CMYA5: variants seen among roughly 807,000 people sequenced by gnomAD.
The protein encoded by CMYA5 is cardiomyopathy-associated protein 5.
CMYA5 carries 246 observed loss-of-function variants against 318.9 expected under a neutral mutation model. The ratio of observed to expected loss-of-function variants is 0.77; its 90% CI spans 0.70 to 0.86. The LOEUF (loss-of-function observed/expected upper bound fraction) is 0.86, where lower values mean the gene tolerates loss of function less well. CMYA5 is among the 40% of genes least tolerant of loss of function. The pLI is 0.00. For missense variants in CMYA5, 4,589 were observed against 4,678.2 expected (o/e 0.98, Z 0.56); for synonymous variants, 1,641 against 1,729.5 (o/e 0.95, Z 1.27).
chr5:79,789,062 G>C lies in CMYA5; in HGVS notation c.11647G>C (p.Gly3883Arg). The change falls in exon 10 of 13, where the codon GGG becomes CGG. Residue 3883 changes from glycine to arginine, a missense_variant. Transcript: ENST00000446378. ...FFYVRAINAF[G>R]TSEQSEAALI... ...CTATGTGAGGGCCATCAATGCATTT[G>C]GGACAAGTGAACAGAGTGAAGCTGC... is the stretch of plus-strand genomic sequence containing the variant. The C allele has an allele frequency of 6.2e-7, 1 of 1,613,952 alleles. No individual in the cohort carries two copies. Among genetic ancestry groups the C allele is most frequent in the Non-Finnish European group, 8.5e-7 (1 of 1,179,878 alleles).
Position 79,743,860 on chromosome 5 carries a change from G to A in CMYA5, c.10672G>A (p.Glu3558Lys), listed in dbSNP as rs1194481118. 1 of 1,548,646 alleles carries A rather than the reference G, an allele frequency of 6.5e-7. No individual in the cohort carries two copies. The highest frequency in any genetic ancestry group is 2.0e-5 in the Admixed American group (1 of 50,764). Residue 3558 changes from glutamate (E) to lysine (K), a missense_variant, in exon 3 of 13, where the codon GAA (glutamate) becomes AAA (lysine). Around this residue, in one of 3 missense-constraint regions of CMYA5, gnomAD observed 2,431 missense variants for 2,495.1 expected, o/e 0.97. Transcript: ENST00000446378. ...AGCAGAATTTCTAGAAAATTTACAA[G>A]AAAAGTCCTTGAGGATTGAAGCCTT... ...QLAEFLENLQ[E>K]KSLRIEAFVS...
intron 9 of CMYA5, among the ~76,000 whole-genome samples, chr5:79,787,490 G>C (rs997895881): frequency 6.6e-6 from 1 of 152,168 alleles, no homozygotes; most frequent in African/African-American, 2.4e-5. Flanking sequence ...CTCAATCATA[G>C]GACATGGTTT....
intron 9 of CMYA5, among the ~76,000 whole-genome samples, chr5:79,772,615 C>T (rs1828875168): frequency 6.6e-6 from 1 of 152,200 alleles, no homozygotes; most frequent in Non-Finnish European, 1.5e-5. Flanking sequence ...TCAGAGCCAT[C>T]CCCCATCAAT....
chr5:79,788,260 A>G (rs1382305241), intron 9 of CMYA5, among the ~76,000 whole-genome samples: 1 of 151,222 alleles, frequency 6.6e-6, no homozygotes, highest in Non-Finnish European at 1.5e-5. Context: ...GATATCAAAC[A>G]GATTAAAGAG....
Position 79,752,703 on chromosome 5 carries a change from T to G in CMYA5, c.11019T>G (p.Ala3673=), listed in dbSNP as rs1327482488. ...ERLLSAMEST[A]SLEKMPAAFS... ...TGCTTTCTGCAATGGAGAGCACTGC[T>G]TCTTTAGAGAAAATGCCTGCTGCGT... The change falls in exon 6 of 13, where the codon GCT becomes GCG. Residue 3673 remains alanine (A), a synonymous_variant. Transcript: ENST00000446378. The G allele has an allele frequency of 1.5e-5, 25 of 1,613,530 alleles. No individual in the cohort carries two copies. Among genetic ancestry groups the G allele is most frequent in the East Asian group, 2.2e-5 (1 of 44,874 alleles).
chr5:79,762,042 A>G, intron 8 of CMYA5, 85 bp downstream of exon 8: 2 of 1,426,862 alleles, frequency 1.4e-6, no homozygotes, highest in Non-Finnish European at 9.4e-7. Flanking sequence ...AGTGTTTATT[A>G]AGCACCTATT....
chr5:79,726,907 T>TG (rs1827758323), intron 1 of CMYA5, among the ~76,000 whole-genome samples: 1 of 139,012 alleles, frequency 7.2e-6, no homozygotes, highest in Non-Finnish European at 1.5e-5. Flanking sequence ...TTTAGGCCAG[T>TG]GATTTTTTTT....
At position 79,763,099 on chromosome 5, in the gene CMYA5, T is replaced by TGTGTG; in HGVS notation, c.11446_11450dup (p.Cys3817TrpfsTer48). The TGTGTG allele has an allele frequency of 6.2e-7, 1 of 1,613,900 alleles. No homozygotes were observed. The highest frequency in any genetic ancestry group is 2.2e-5 in the East Asian group (1 of 44,872). ...CTGTGATCCGCGCTGAGGACTGTAC[T>TGTGTG]GTGTGTTGGAACACAGCCACTATCC... is the stretch of plus-strand genomic sequence containing the variant. On this transcript the variant is annotated frameshift_variant, in exon 9 of 13. Coordinates refer to ENST00000446378, the MANE Select transcript of CMYA5 (RefSeq NM_153610.5). LOFTEE classifies it high-confidence loss of function.
At chr5:79,748,527 A>ACC (rs1253136814) in intron 5 of CMYA5, among the ~76,000 whole-genome samples, 3 of 129,050 alleles carry the variant, frequency 2.3e-5, no homozygotes, top group African/African-American at 1.2e-4. Context: ...CTACCTATCT[A>ACC]TCTATCTATC....
intron 1 of CMYA5, among the ~76,000 whole-genome samples, chr5:79,717,068 A>G (rs975227268): frequency 6.6e-6 from 1 of 152,210 alleles, no homozygotes; most frequent in Non-Finnish European, 1.5e-5. Context: ...GCCCCAGGCA[A>G]GCAAACCACT....
chr5:79,769,189 A>G (rs936334009), intron 9 of CMYA5, among the ~76,000 whole-genome samples: 3 of 151,958 alleles, frequency 2.0e-5, no homozygotes, highest in Admixed American at 6.6e-5. Context: ...CTAGTTAGAA[A>G]TTCCTCTAAC....
At chr5:79,705,798 A>G (rs763108605) in intron 1 of CMYA5, among the ~76,000 whole-genome samples, 25 of 152,152 alleles carry the variant, frequency 1.6e-4, no homozygotes, top group Non-Finnish European at 3.7e-4. Context: ...GTTCTCTGGA[A>G]TGCACTGTTG....
chr5:79,701,624 A>G (rs1228017936), intron 1 of CMYA5, among the ~76,000 whole-genome samples: 1 of 152,210 alleles, frequency 6.6e-6, no homozygotes, highest in Non-Finnish European at 1.5e-5. Flanking sequence ...TAGGAATGTA[A>G]AATTGTACAA....
At position 79,736,924 on chromosome 5, in the gene CMYA5, C is replaced by T. The variant is rs1828084966; in HGVS notation, c.8159C>T (p.Thr2720Ile). The T allele has an allele frequency of 6.2e-7, 1 of 1,613,322 alleles. No homozygotes were observed. The highest frequency in any genetic ancestry group is 1.1e-5 in the South Asian group (1 of 91,034). ...GAAAGTAAAGTTTTGGTGGAGAAAACTAAGACTTTCCTGCCAGTGGTTCTT... is the reference window on the plus strand; with the variant it reads ...GAAAGTAAAGTTTTGGTGGAGAAAATTAAGACTTTCCTGCCAGTGGTTCTT... The part of the protein sequence containing the change: ...LEESKVLVEK[T>I]KTFLPVVLSC... Residue 2720 changes from threonine (T) to isoleucine (I), a missense_variant, in exon 2 of 13, where the codon ACT becomes ATT. Thr to Ile is a moderately conservative substitution (Grantham distance 89). Transcript: ENST00000446378.
intron 8 of CMYA5, 22 bp downstream of exon 8, chr5:79,761,979 G>A (rs760669536): frequency 6.2e-7 from 1 of 1,602,848 alleles, no homozygotes; most frequent in Non-Finnish European, 8.5e-7. Flanking sequence ...GATGCTAAGG[G>A]TGCATTAGAA....
chr5:79,729,759 C>T lies in CMYA5; in HGVS notation c.994C>T (p.Leu332=). 6.2e-7 allele frequency: 1 copy of T among 1,613,926 alleles called. No homozygotes were observed. The highest frequency in any genetic ancestry group is 8.5e-7 in the Non-Finnish European group (1 of 1,179,872). Residue 332 remains leucine (L), a synonymous_variant, in exon 2 of 13, where the codon CTA becomes TTA. Transcript: ENST00000446378. ...AAAGAAAATTTATGCTGATTCTCCCCTAAATGCCACATCTGCATTGGAGCA... is the reference window on the plus strand; with the variant it reads ...AAAGAAAATTTATGCTGATTCTCCCTTAAATGCCACATCTGCATTGGAGCA... ...DQKKIYADSP[L]NATSALEHTV...
At chr5:79,752,651 T>C (rs780305323) in intron 5 of CMYA5, 25 bp from the exon 6 acceptor site, 2 of 1,503,368 alleles carry the variant, frequency 1.3e-6, no homozygotes, top group African/African-American at 2.8e-5. Flanking sequence ...TTTTTTAACT[T>C]ATGTAGAGCT....
Position 79,731,121 on chromosome 5 carries a change from C to T in CMYA5, c.2356C>T (p.Leu786=). ...CGTGGTCCCATCAGAAGGAGAGGAC[C>T]TAGGAAGTGAACGTTTCACACCGGA... ...EHVVPSEGED[L]GSERFTPDSK... The change falls in exon 2 of 13, where the codon CTA becomes TTA. Residue 786 remains leucine, a synonymous_variant. Transcript: ENST00000446378. 6.2e-7 allele frequency: 1 copy of T among 1,613,980 alleles called. No homozygotes were observed. The highest frequency in any genetic ancestry group is 8.5e-7 in the Non-Finnish European group (1 of 1,179,884).
chr5:79,720,739 T>G (rs1191759828), intron 1 of CMYA5, among the ~76,000 whole-genome samples: 1 of 152,052 alleles, frequency 6.6e-6, no homozygotes, highest in Non-Finnish European at 1.5e-5. Context: ...CCTGGCCCAA[T>G]CTAGAATTTT....
Sources: gnomAD v4.1 joint callset for allele counts (sites outside exome capture counted in the v4.1 genomes callset) on GRCh38, gnomAD v4.1.1 for gene constraint, gnomAD v4.1.1 regional missense constraint, MANE v1.5 for transcripts, NCBI Gene and HGNC (gene_info 2026-07-23, HGNC 2026-07-21) for gene names.